CTNNA2: variants seen among roughly 807,000 people sequenced by gnomAD.
CTNNA2 encodes catenin alpha-2.
In CTNNA2, 42 loss-of-function variants were observed where a neutral mutation model predicts 101.0. The ratio of observed to expected loss-of-function variants is 0.42; its 90% CI spans 0.32 to 0.54. CTNNA2 has a LOEUF of 0.54. CTNNA2 is among the 20% of genes least tolerant of loss of function. The probability of loss-of-function intolerance (pLI) is 0.14; values close to 1 mark genes in which losing one functional copy is unlikely to be tolerated. For missense variants in CTNNA2, 871 were observed against 1,223.1 expected, an observed-to-expected ratio of 0.71 and a Z score of 4.29; for synonymous variants, 450 against 456.4, an observed-to-expected ratio of 0.99 and a Z score of 0.18.
chr2:79,338,201 G>C lies in CTNNA2; in HGVS notation c.-318+25405G>C, dbSNP rs569577336. Among the ~76,000 whole-genome samples the C allele has an allele frequency of 3.4e-4, 46 of 136,904 alleles. No homozygotes were observed. The South Asian group carries it at 7.4e-3, about 22-fold the overall frequency. The allele number at this position is 136,904 out of a possible 152,430, so 89.8% of individuals were successfully genotyped here. ...ACGGAGGTTGCAGTGAGCCAAGATC[G>C]TGCCACTGCACTCCAGCCTGGGTGA... On this transcript the variant is annotated intron_variant, in intron 3 of 21. Transcript: ENST00000466387.
chr2:79,320,260 A>AT (rs34694986), intron 3 of CTNNA2, among the ~76,000 whole-genome samples: 33,077 of 119,710 alleles, frequency 0.28, 5,004 homozygotes, highest in South Asian at 0.42. Context: ...TTACGTTTCA[A>AT]TTTTTTTTTT....
At chr2:79,970,347 C>T (rs1690391546) in intron 7 of CTNNA2, among the ~76,000 whole-genome samples, 1 of 152,168 alleles carries the variant, frequency 6.6e-6, no homozygotes, top group Admixed American at 6.5e-5. Context: ...TCAAAAATGC[C>T]TTGGGGAAGA....
chr2:79,625,684 C>T (rs998536544), intron 1 of CTNNA2, among the ~76,000 whole-genome samples: 1 of 152,240 alleles, frequency 6.6e-6, no homozygotes, highest in East Asian at 1.9e-4. Context: ...AGGAACTAGA[C>T]AGACTCCAGG....
intron 8 of CTNNA2, among the ~76,000 whole-genome samples, chr2:80,397,912 G>A (rs141241778): frequency 2.0e-5 from 3 of 152,146 alleles, no homozygotes; most frequent in African/African-American, 2.4e-5. Flanking sequence ...GGAAATACAC[G>A]TGGGGAAGAA....
At chr2:79,350,389 G>T (rs970709475) in intron 3 of CTNNA2, among the ~76,000 whole-genome samples, 1 of 152,090 alleles carries the variant, frequency 6.6e-6, no homozygotes, top group African/African-American at 2.4e-5. Flanking sequence ...TGTGGAATTT[G>T]ATTTTCTGTT....
intron 7 of CTNNA2, among the ~76,000 whole-genome samples, chr2:79,996,428 T>C (rs1692550552): frequency 6.6e-6 from 1 of 152,176 alleles, no homozygotes; most frequent in South Asian, 2.1e-4. Context: ...AGAAGTTTAT[T>C]ATACCTGCCT....
At chr2:80,116,213 T>TAAG (rs1352544928) in intron 7 of CTNNA2, among the ~76,000 whole-genome samples, 3 of 151,982 alleles carry the variant, frequency 2.0e-5, no homozygotes, top group African/African-American at 7.2e-5. Flanking sequence ...CAATAAAACT[T>TAAG]AAGTAACAAA....
At chr2:80,211,826 A>T (rs2149036679) in intron 7 of CTNNA2, among the ~76,000 whole-genome samples, 1 of 152,246 alleles carries the variant, frequency 6.6e-6, no homozygotes, top group East Asian at 1.9e-4. Flanking sequence ...CCATTTTCAC[A>T]ATATTGATTC....
chr2:80,057,900 C>T (rs889740535), intron 7 of CTNNA2, among the ~76,000 whole-genome samples: 1 of 152,092 alleles, frequency 6.6e-6, no homozygotes, highest in Non-Finnish European at 1.5e-5. Context: ...TACGCAGATA[C>T]CCCTCTTGCT....
intron 8 of CTNNA2, among the ~76,000 whole-genome samples, chr2:80,396,313 C>G (rs1303827076): frequency 6.6e-6 from 1 of 152,162 alleles, no homozygotes; most frequent in East Asian, 1.9e-4. Context: ...AGTGGTAGAG[C>G]AGAATCCTCC....
chr2:80,051,916 G>T (rs1253138562), intron 7 of CTNNA2, among the ~76,000 whole-genome samples: 1 of 152,028 alleles, frequency 6.6e-6, no homozygotes, highest in Non-Finnish European at 1.5e-5. Flanking sequence ...TTTTCTTTTT[G>T]GTTTATTGAA....
At chr2:80,172,971 C>G (rs1334432807) in intron 7 of CTNNA2, among the ~76,000 whole-genome samples, 1 of 152,168 alleles carries the variant, frequency 6.6e-6, no homozygotes, top group Non-Finnish European at 1.5e-5. Context: ...AGGTCACATT[C>G]TGAAGTCCTG....
chr2:79,306,073 T>G (rs1676237513), intron 2 of CTNNA2, among the ~76,000 whole-genome samples: 1 of 148,362 alleles, frequency 6.7e-6, no homozygotes, highest in Admixed American at 6.7e-5. Context: ...GGCAATCTTG[T>G]CTTTTACGAC....
At chr2:79,449,875 T>G (rs985597368) in intron 4 of CTNNA2, among the ~76,000 whole-genome samples, 3 of 152,040 alleles carry the variant, frequency 2.0e-5, no homozygotes, top group African/African-American at 7.2e-5. Flanking sequence ...AATATATGGA[T>G]ACACAAATGC....
chr2:80,265,705 T>C (rs1672954920), intron 7 of CTNNA2, among the ~76,000 whole-genome samples: 1 of 152,232 alleles, frequency 6.6e-6, no homozygotes, highest in African/African-American at 2.4e-5. Context: ...CCTGATCTAC[T>C]CAGCTAATAT....
intron 7 of CTNNA2, among the ~76,000 whole-genome samples, chr2:80,171,102 C>T (rs988070480): frequency 7.9e-5 from 12 of 152,158 alleles, no homozygotes; most frequent in Admixed American, 2.6e-4. Flanking sequence ...AGTCATCCAG[C>T]ATTTGTGTTT....
chr2:79,871,371 G>A (rs1033479731), intron 5 of CTNNA2, among the ~76,000 whole-genome samples: 1 of 152,128 alleles, frequency 6.6e-6, no homozygotes, highest in Non-Finnish European at 1.5e-5. Context: ...ATCTTGTATG[G>A]TAGCCCAATG....
intron 3 of CTNNA2, among the ~76,000 whole-genome samples, chr2:79,827,153 C>T (rs946304560): frequency 7.2e-5 from 11 of 152,118 alleles, no homozygotes; most frequent in East Asian, 5.8e-4. Flanking sequence ...ATTCTTATGC[C>T]GCAGCCTCCC....
chr2:80,596,670 T>C (rs944648172), intron 15 of CTNNA2, among the ~76,000 whole-genome samples: 4 of 152,104 alleles, frequency 2.6e-5, no homozygotes, highest in Non-Finnish European at 4.4e-5. Context: ...CAATTTGACT[T>C]CTTTTCTTTC....
Sources: allele counts gnomAD v4.1 joint callset (sites outside exome capture counted in the v4.1 genomes callset), GRCh38; gene constraint gnomAD v4.1.1; transcripts MANE v1.5; gene names NCBI Gene and HGNC (gene_info 2026-07-23, HGNC 2026-07-21).